Variants in BAZ2B observed in about 807,000 individuals in gnomAD.
The protein encoded by BAZ2B is bromodomain adjacent to zinc finger domain protein 2B.
In BAZ2B, 91 loss-of-function variants were observed where a neutral mutation model predicts 246.0. The ratio of observed to expected loss-of-function variants is 0.37; its 90% CI spans 0.31 to 0.44. The LOEUF is 0.44. Ranked by LOEUF, BAZ2B falls within the 20% of genes least tolerant of loss-of-function variation. The pLI is 1.00. For synonymous variants in BAZ2B, 855 were observed against 860.0 expected (o/e 0.99, Z 0.10); for missense variants, 2,332 against 2,533.7 (o/e 0.92, Z 1.71).
At chr2:159,442,528 A>T (rs1442592206) in intron 6 of BAZ2B, among the ~76,000 whole-genome samples, 1 of 152,212 alleles carries the variant, frequency 6.6e-6, no homozygotes, top group Non-Finnish European at 1.5e-5. Context: ...ACATAACATA[A>T]AATTTACTAT....
At chr2:159,699,637 A>G in the BAZ2B span, among the ~76,000 whole-genome samples, 1 of 152,186 alleles carries the variant, frequency 6.6e-6, no homozygotes, top group Non-Finnish European at 1.5e-5. Flanking sequence ...ATGCTGTTCA[A>G]TATTTTGCCT....
the BAZ2B span, among the ~76,000 whole-genome samples, chr2:159,688,983 A>G: frequency 6.6e-6 from 1 of 150,988 alleles, no homozygotes; most frequent in Non-Finnish European, 1.5e-5. Context: ...TATAGTTGCT[A>G]TTTTTTTTTC....
At chr2:159,539,443 G>C (rs1027403352) in intron 2 of BAZ2B, among the ~76,000 whole-genome samples, 1 of 152,168 alleles carries the variant, frequency 6.6e-6, no homozygotes, top group Non-Finnish European at 1.5e-5. Context: ...ACAGCATAAA[G>C]AATTTATAAT....
At chr2:159,521,758 T>G (rs1419279717) in intron 2 of BAZ2B, among the ~76,000 whole-genome samples, 1 of 152,036 alleles carries the variant, frequency 6.6e-6, no homozygotes, top group Non-Finnish European at 1.5e-5. Flanking sequence ...TTAGTGTACC[T>G]TCAGAAAAAA....
the BAZ2B span, chr2:159,690,036 GT>G: frequency 1.2e-5 from 5 of 427,300 alleles, no homozygotes; most frequent in South Asian, 3.2e-5. Context: ...AAGTTGGGCA[GT>G]TTTTGCCCTG....
chr2:159,418,904 C>A (rs554704548), intron 13 of BAZ2B, among the ~76,000 whole-genome samples: 19 of 152,248 alleles, frequency 1.2e-4, no homozygotes, highest in African/African-American at 4.1e-4. Flanking sequence ...CTCTATCTAT[C>A]CCAGTCCTTG....
chr2:159,328,675 T>C (rs1334244453), intron 34 of BAZ2B, among the ~76,000 whole-genome samples: 1 of 152,182 alleles, frequency 6.6e-6, no homozygotes, highest in Admixed American at 6.5e-5. Flanking sequence ...AACTCTTTCA[T>C]GTCATTTACT....
chr2:159,643,553 C>G, the BAZ2B span, among the ~76,000 whole-genome samples: 1 of 151,944 alleles, frequency 6.6e-6, no homozygotes, highest in Non-Finnish European at 1.5e-5. Flanking sequence ...TAATTCATAC[C>G]CTTCTCATAT....
chr2:159,560,984 C>T (rs1410508562), intron 1 of BAZ2B, among the ~76,000 whole-genome samples: 2 of 152,082 alleles, frequency 1.3e-5, no homozygotes, highest in African/African-American at 4.8e-5. Context: ...TACTGGGAAA[C>T]TGGTGACAAT....
At chr2:159,516,074 T>C (rs1292491014) in intron 2 of BAZ2B, among the ~76,000 whole-genome samples, 2 of 152,100 alleles carry the variant, frequency 1.3e-5, no homozygotes, top group Non-Finnish European at 2.9e-5. Context: ...TGGTTGGATT[T>C]AAGATACCAA....
intron 8 of BAZ2B, chr2:159,435,054 A>C (rs2071940419): frequency 6.6e-6 from 1 of 151,976 alleles, no homozygotes; most frequent in Non-Finnish European, 1.5e-5. Flanking sequence ...TTCTGCATTG[A>C]AAATGATTGC....
Position 159,433,232 on chromosome 2 carries a change from T to C in BAZ2B, c.1425A>G (p.Leu475=), listed in dbSNP as rs2071476850. The stretch of plus-strand genomic sequence containing the variant: ...AGAATGGATTTGGGTGGTTGTTTTC[T>C]AATGTTTGTTTTGGATGTGCTGGTG... The part of the protein sequence containing the change: ...SSSPAHPKQT[L]ENNHPNPFLT... The change falls in exon 9 of 37, where the codon TTA becomes TTG. Residue 475 remains leucine, a synonymous_variant. Coordinates refer to ENST00000392783, the MANE Select transcript of BAZ2B (RefSeq NM_013450.4). The C allele has an allele frequency of 8.7e-6, 14 of 1,614,086 alleles. No individual in the cohort carries two copies. Among genetic ancestry groups the C allele is most frequent in the African/African-American group, 2.7e-5 (2 of 74,946 alleles).
intron 1 of BAZ2B, among the ~76,000 whole-genome samples, chr2:159,611,430 C>T (rs1413158255): frequency 2.0e-5 from 3 of 151,788 alleles, no homozygotes; most frequent in Admixed American, 2.0e-4. Flanking sequence ...AGTTGTATGG[C>T]TACTATGTAA....
intron 2 of BAZ2B, among the ~76,000 whole-genome samples, chr2:159,480,138 A>G (rs960035165): frequency 2.0e-5 from 3 of 152,106 alleles, no homozygotes; most frequent in African/African-American, 7.2e-5. Context: ...ACTAAATACA[A>G]AAAATATGGA....
chr2:159,496,753 A>G (rs1188564589), intron 2 of BAZ2B, among the ~76,000 whole-genome samples: 1 of 134,062 alleles, frequency 7.5e-6, no homozygotes, highest in Non-Finnish European at 1.5e-5. Flanking sequence ...ATTGCACTCC[A>G]GCCTGGGCAA....
rs1231511706 is a variant in BAZ2B, at chr2:159,347,495, C to T, written c.5445G>A (p.Leu1815=). Residue 1815 remains leucine, a synonymous_variant, in exon 31 of 37, where the codon TTG becomes TTA. Transcript: ENST00000392783. ...TCCAAGTCGATTTTACCTTCACTTG[C>T]AAACTTGCTGATGCAACTCTCCTTT... The part of the protein sequence containing the change: ...DLERRVASAS[L]QVKGWMCPEP... 6.2e-7 allele frequency: 1 copy of T among 1,613,544 alleles called. No individual in the cohort carries two copies. The highest frequency in any genetic ancestry group is 8.5e-7 in the Non-Finnish European group (1 of 1,179,782).
chr2:159,476,868 C>T (rs970996497), intron 3 of BAZ2B, among the ~76,000 whole-genome samples: 3 of 152,128 alleles, frequency 2.0e-5, no homozygotes, highest in East Asian at 1.9e-4. Context: ...CATAGCATCG[C>T]TATTTTTGAG....
chr2:159,422,273 C>T (rs916018473), intron 13 of BAZ2B, among the ~76,000 whole-genome samples: 9 of 152,126 alleles, frequency 5.9e-5, no homozygotes, highest in Non-Finnish European at 7.4e-5. Flanking sequence ...CCTAAAGAGC[C>T]TAAATTGCCA....
intron 6 of BAZ2B, among the ~76,000 whole-genome samples, chr2:159,443,141 T>C (rs1347160435): frequency 6.6e-6 from 1 of 152,208 alleles, no homozygotes; most frequent in African/African-American, 2.4e-5. Flanking sequence ...TCATTTACTA[T>C]TCCCTAACAT....
Sources: gnomAD v4.1 joint callset for allele counts (sites outside exome capture counted in the v4.1 genomes callset) on GRCh38, gnomAD v4.1.1 for gene constraint, MANE v1.5 for transcripts, NCBI Gene and HGNC (gene_info 2026-07-23, HGNC 2026-07-21) for gene names.